ASIC2: variants seen among roughly 807,000 people sequenced by gnomAD.
ASIC2 encodes acid-sensing ion channel 2.
ASIC2 carries 25 observed loss-of-function variants against 57.3 expected under a neutral mutation model. The observed-to-expected ratio is 0.44, with a 90% CI of 0.32 to 0.61. ASIC2 has a LOEUF of 0.61. ASIC2 is among the 20% of genes least tolerant of loss of function. ASIC2 has a pLI of 0.06. For synonymous variants in ASIC2, 319 were observed against 307.5 expected (o/e 1.04, Z -0.39); for missense variants, 641 against 738.1 (o/e 0.87, Z 1.52).
chr17:33,178,111 G>T (rs1905833720), intron 1 of ASIC2, among the ~76,000 whole-genome samples: 1 of 152,126 alleles, frequency 6.6e-6, no homozygotes, highest in Non-Finnish European at 1.5e-5. Context: ...TAGTTGCATT[G>T]TATTATATTC....
intron 1 of ASIC2, among the ~76,000 whole-genome samples, chr17:33,724,630 T>C (rs1365073349): frequency 6.6e-6 from 1 of 152,100 alleles, no homozygotes; most frequent in Non-Finnish European, 1.5e-5. Context: ...GCCTGTGCAC[T>C]TGGCAGAATG....
chr17:33,862,010 G>A (rs549766490), intron 1 of ASIC2, among the ~76,000 whole-genome samples: 4 of 152,308 alleles, frequency 2.6e-5, no homozygotes, highest in Admixed American at 1.3e-4. Flanking sequence ...CTTGATGCTT[G>A]AGCTGCACCA....
chr17:33,440,109 C>T (rs970728985), intron 1 of ASIC2, among the ~76,000 whole-genome samples: 46 of 152,150 alleles, frequency 3.0e-4, no homozygotes, highest in African/African-American at 1.0e-3. Flanking sequence ...AGAACATTTC[C>T]GTCCCCTCAA....
intron 1 of ASIC2, among the ~76,000 whole-genome samples, chr17:33,798,912 AG>A (rs753109118): frequency 4.6e-5 from 7 of 152,114 alleles, no homozygotes; most frequent in Non-Finnish European, 5.9e-5. Flanking sequence ...AGACTACATT[AG>A]GTGGGTTCCT....
At chr17:33,697,990 A>C (rs967453472) in intron 1 of ASIC2, among the ~76,000 whole-genome samples, 1 of 152,198 alleles carries the variant, frequency 6.6e-6, no homozygotes, top group African/African-American at 2.4e-5. Flanking sequence ...AGATTTGTTG[A>C]TTAAGACCGG....
intron 1 of ASIC2, among the ~76,000 whole-genome samples, chr17:33,339,509 A>T (rs1567827962): frequency 6.6e-6 from 1 of 152,160 alleles, no homozygotes; most frequent in Non-Finnish European, 1.5e-5. Flanking sequence ...CCCTAGGAAA[A>T]TTTCACTCAG....
At chr17:33,595,666 AAGTTACTC>A (rs1163692488) in intron 1 of ASIC2, among the ~76,000 whole-genome samples, 1 of 152,264 alleles carries the variant, frequency 6.6e-6, no homozygotes, top group Non-Finnish European at 1.5e-5. Context: ...GATATTGGGT[AAGTTACTC>A]AGCATCCCTG....
At chr17:33,223,950 G>C (rs896175755) in intron 1 of ASIC2, among the ~76,000 whole-genome samples, 1 of 152,198 alleles carries the variant, frequency 6.6e-6, no homozygotes, top group Non-Finnish European at 1.5e-5. Flanking sequence ...CCTGGTCACA[G>C]ACACCAGATT....
chr17:33,623,242 T>TTTTGTTTG (rs142797034), intron 1 of ASIC2, among the ~76,000 whole-genome samples: 1 of 73,812 alleles, frequency 1.4e-5, no homozygotes, highest in African/African-American at 6.0e-5. Context: ...TATCGTTTTT[T>TTTTGTTTG]TTTGTTTGTT....
At chr17:33,975,908 C>T (rs150349155) in intron 1 of ASIC2, among the ~76,000 whole-genome samples, 38 of 152,178 alleles carry the variant, frequency 2.5e-4, no homozygotes, top group African/African-American at 8.9e-4. Flanking sequence ...TCTCCTTTTA[C>T]GGTACCATGT....
intron 1 of ASIC2, among the ~76,000 whole-genome samples, chr17:33,524,977 G>A (rs112689556): frequency 2.0e-5 from 3 of 152,180 alleles, no homozygotes; most frequent in Non-Finnish European, 4.4e-5. Context: ...CCAGGGCACA[G>A]GAAAGGCCAA....
chr17:33,048,702 T>C (rs1557754), intron 3 of ASIC2, among the ~76,000 whole-genome samples: 123,632 of 151,772 alleles, frequency 0.81, 51,566 homozygotes, highest in East Asian at 0.95. Flanking sequence ...CTAGTTTCCC[T>C]AGCACTCCCT....
At chr17:34,054,912 T>C (rs1908709938) in intron 1 of ASIC2, among the ~76,000 whole-genome samples, 1 of 152,144 alleles carries the variant, frequency 6.6e-6, no homozygotes, top group Admixed American at 6.5e-5. Context: ...AATGTATCTA[T>C]TGGGAGGGCT....
chr17:33,676,781 G>A (rs1907836082), intron 1 of ASIC2, among the ~76,000 whole-genome samples: 1 of 152,248 alleles, frequency 6.6e-6, no homozygotes, highest in Non-Finnish European at 1.5e-5. Flanking sequence ...TGATGAAGGT[G>A]GTGATATAGC....
intron 1 of ASIC2, among the ~76,000 whole-genome samples, chr17:33,730,820 A>T (rs1190456472): frequency 6.6e-6 from 1 of 152,198 alleles, no homozygotes; most frequent in Admixed American, 6.5e-5. Context: ...ATTGAGGGAC[A>T]CTCAGAGATT....
chr17:33,640,846 C>T (rs576244347), intron 1 of ASIC2, among the ~76,000 whole-genome samples: 8 of 152,286 alleles, frequency 5.3e-5, no homozygotes, highest in South Asian at 4.1e-4. Context: ...CAGGTTTCAT[C>T]GGCTGAGAGC....
At chr17:33,199,612 G>A (rs538739737) in intron 1 of ASIC2, among the ~76,000 whole-genome samples, 26 of 152,310 alleles carry the variant, frequency 1.7e-4, no homozygotes, top group Admixed American at 1.4e-3. Flanking sequence ...TACATTTTAA[G>A]CTCCTTTCCC....
intron 1 of ASIC2, among the ~76,000 whole-genome samples, chr17:33,404,492 C>T (rs535343549): frequency 4.6e-4 from 70 of 152,352 alleles, no homozygotes; most frequent in African/African-American, 1.5e-3. Context: ...CTTTTAGCCT[C>T]TCAAAGGCTG....
At chr17:33,475,567 T>G (rs898103945) in intron 1 of ASIC2, among the ~76,000 whole-genome samples, 2 of 152,252 alleles carry the variant, frequency 1.3e-5, no homozygotes, top group African/African-American at 4.8e-5. Context: ...GACTTTTTAT[T>G]GACTTCCTTC....
Sources: allele counts gnomAD v4.1 joint callset (sites outside exome capture counted in the v4.1 genomes callset), GRCh38; gene constraint gnomAD v4.1.1; transcripts MANE v1.5; gene names NCBI Gene and HGNC (gene_info 2026-07-23, HGNC 2026-07-21).